Variants in MOB2 observed in about 807,000 individuals in gnomAD.
MOB2 encodes MOB2 Mps One Binder homolog.
MOB2 carries 14 observed loss-of-function variants against 27.4 expected under a neutral mutation model. That is an observed-to-expected ratio of 0.51 (90% CI 0.34 to 0.80). The LOEUF (loss-of-function observed/expected upper bound fraction) is 0.80, where lower values mean the gene tolerates loss of function less well. MOB2 is among the 30% of genes least tolerant of loss of function. The pLI is 0.01. For missense variants in MOB2, 304 were observed against 354.6 expected (o/e 0.86, Z 1.15); for synonymous variants, 167 against 151.8 (o/e 1.10, Z -0.74).
chr11:1,480,488 T>TGGAAG lies in MOB2; in HGVS notation c.272-7_272-3dup. 1 of 1,613,656 alleles carries TGGAAG rather than the reference T, an allele frequency of 6.2e-7. No individual in the cohort carries two copies. Among genetic ancestry groups the TGGAAG allele is most frequent in the Non-Finnish European group, 8.5e-7 (1 of 1,179,794 alleles). ...TGATGTGGTGGAAAAACGTCGTGGC[T>TGGAAG]GGAAGAGAAGAGAAGGAGCCAGATG... On this transcript the variant is annotated splice_polypyrimidine_tract_variant and splice_region_variant and intron_variant, in intron 2 of 4. Coordinates refer to ENST00000329957, the MANE Select transcript of MOB2 (RefSeq NM_001172223.3).
intron 3 of MOB2, among the ~76,000 whole-genome samples, chr11:1,479,818 G>A (rs1847889964): frequency 6.6e-6 from 1 of 152,246 alleles, no homozygotes; most frequent in Admixed American, 6.5e-5. Flanking sequence ...CCTCCTGCCT[G>A]CAGCCTCCAA....
intron 1 of MOB2, among the ~76,000 whole-genome samples, chr11:1,482,112 C>T (rs1847921940): frequency 6.6e-6 from 1 of 152,212 alleles, no homozygotes; most frequent in South Asian, 2.1e-4. Context: ...CAGCACAGCA[C>T]ACCACACCCC....
At chr11:1,471,529 G>T in intron 3 of MOB2, 110 bp from the exon 4 acceptor site, 1 of 1,417,312 alleles carries the variant, frequency 7.1e-7, no homozygotes, top group Non-Finnish European at 9.6e-7. Context: ...AGCAGCGGAG[G>T]TGTGGCAGAC....
At chr11:1,473,887 C>T (rs146067746) in intron 3 of MOB2, among the ~76,000 whole-genome samples, 10 of 152,244 alleles carry the variant, frequency 6.6e-5, no homozygotes, top group African/African-American at 2.2e-4. Flanking sequence ...GGATGGGCCG[C>T]GGGAAGGAAT....
At chr11:1,476,391 T>G (rs796569110) in intron 3 of MOB2, among the ~76,000 whole-genome samples, 2 of 152,346 alleles carry the variant, frequency 1.3e-5, no homozygotes, top group African/African-American at 4.8e-5. Context: ...ACAGAGGGTT[T>G]TTTTCCAATA....
intron 1 of MOB2, among the ~76,000 whole-genome samples, chr11:1,485,401 TCA>T (rs879355268): frequency 6.6e-6 from 1 of 152,110 alleles, no homozygotes; most frequent in African/African-American, 2.4e-5. Context: ...TTCCAAAACC[TCA>T]CAGTTTCACC....
intron 1 of MOB2, among the ~76,000 whole-genome samples, chr11:1,484,364 C>G (rs1397797178): frequency 1.3e-5 from 2 of 152,162 alleles, no homozygotes; most frequent in African/African-American, 4.8e-5. Flanking sequence ...CCGCAGGTGA[C>G]GCCTCTGAGG....
At chr11:1,483,042 T>G (rs954809833) in intron 1 of MOB2, among the ~76,000 whole-genome samples, 1 of 152,170 alleles carries the variant, frequency 6.6e-6, no homozygotes, top group Non-Finnish European at 1.5e-5. Context: ...ATGGCACTCT[T>G]CTCGTCCTTA....
At chr11:1,485,488 GCA>G (rs1847960029) in intron 1 of MOB2, among the ~76,000 whole-genome samples, 1 of 152,218 alleles carries the variant, frequency 6.6e-6, no homozygotes, top group African/African-American at 2.4e-5. Flanking sequence ...CCTGTTGAAT[GCA>G]CAGGTGATCG....
Position 1,469,858 on chromosome 11 carries a change from G to C in MOB2, c.*314C>G, listed in dbSNP as rs753128998. On this transcript the variant is annotated 3_prime_UTR_variant, in exon 5 of 5. Coordinates refer to ENST00000329957, the MANE Select transcript of MOB2 (RefSeq NM_001172223.3). Reference sequence around the variant, plus strand: ...CCAGCAGCACCCGAGGGAGGGCAGGGGCTGCACGGAGACCAGAGAAAGGAA... The same window carrying C: ...CCAGCAGCACCCGAGGGAGGGCAGGCGCTGCACGGAGACCAGAGAAAGGAA... 8.0e-6 allele frequency: 5 copies of C among 628,612 alleles called. No individual in the cohort carries two copies. The highest frequency in any genetic ancestry group is 6.0e-5 in the South Asian group (4 of 66,292). 38.9% of individuals were successfully genotyped at this position (628,612 alleles called of 1,614,324 possible).
rs1847750181 is a variant in MOB2 at position 1,469,511 on chromosome 11, G to A, written c.*661C>T. ...TGAACAGATGAACTAAGGTAAGCGG[G>A]TCTCAGCCTTCCGCTGGTGCAGCAT... On this transcript the variant is annotated 3_prime_UTR_variant, in exon 5 of 5. Transcript: ENST00000329957. 2.2e-6 allele frequency: 1 copy of A among 455,064 alleles called. No homozygotes were observed. Among genetic ancestry groups the A allele is most frequent in the Non-Finnish European group, 4.4e-6 (1 of 225,852 alleles). The allele number at this position is 455,064 out of a possible 1,614,324, so 28.2% of individuals were successfully genotyped here. A position where few individuals can be genotyped will look rare whatever the true frequency, so the allele number is the denominator to read the frequency against.
In MOB2 at chr11:1,469,864, A is replaced by T; in HGVS notation, c.*308T>A. 1.6e-6 allele frequency: 1 copy of T among 644,302 alleles called. No individual in the cohort carries two copies. The allele number at this position is 644,302 out of a possible 1,614,324, so 39.9% of individuals were successfully genotyped here. ...GCACCCGAGGGAGGGCAGGGGCTGC[A>T]CGGAGACCAGAGAAAGGAAAACCCC... is the stretch of plus-strand genomic sequence containing the variant. On this transcript the variant is annotated 3_prime_UTR_variant, in exon 5 of 5. Coordinates refer to ENST00000329957, the MANE Select transcript of MOB2 (RefSeq NM_001172223.3).
chr11:1,480,725 T>C lies in MOB2; in HGVS notation c.271A>G (p.Thr91Ala). 6.2e-7 allele frequency: 1 copy of C among 1,603,036 alleles called. No individual in the cohort carries two copies. The highest frequency in any genetic ancestry group is 8.5e-7 in the Non-Finnish European group (1 of 1,175,742). Reference sequence around the variant, plus strand: ...GGCCCGCCCCCAGGCCCCCGCGCACTGTTGCTGGCCAGCCACTCGTTAAGG... The same window carrying C: ...GGCCCGCCCCCAGGCCCCCGCGCACCGTTGCTGGCCAGCCACTCGTTAAGG... ...IDLNEWLASN[T>A]TTFFHHINLQ... The change falls in exon 2 of 5, where the codon ACC (threonine) becomes GCC (alanine). Residue 91 changes from threonine to alanine, a missense_variant and splice_region_variant. Transcript: ENST00000329957.
chr11:1,480,390 C>CA lies in MOB2; in HGVS notation c.365+2dup. The CA allele has an allele frequency of 6.2e-7, 1 of 1,612,206 alleles. No homozygotes were observed. The highest frequency in any genetic ancestry group is 8.5e-7 in the Non-Finnish European group (1 of 1,178,626). On this transcript the variant is annotated splice_region_variant and intron_variant, in intron 3 of 4. Transcript: ENST00000329957. ...AAGTGGGCTGTAGCCAGGCAGCACT[C>CA]ACGTGTTGCACACGGCCATCGTCTG...
chr11:1,481,195 A>G, intron 1 of MOB2: 1 of 481,394 alleles, frequency 2.1e-6, no homozygotes. Context: ...GGAGGGGCCC[A>G]GGGTTTAGGG....
chr11:1,478,382 T>TG (rs1392613170), intron 3 of MOB2, among the ~76,000 whole-genome samples: 1 of 152,282 alleles, frequency 6.6e-6, no homozygotes, highest in Non-Finnish European at 1.5e-5. Flanking sequence ...GGAACAGGTC[T>TG]GCTGGCTGTG....
chr11:1,485,628 G>A (rs545238401), intron 1 of MOB2, among the ~76,000 whole-genome samples: 2 of 152,090 alleles, frequency 1.3e-5, no homozygotes, highest in East Asian at 1.9e-4. Flanking sequence ...GGCCACGCTC[G>A]CCTCACACCC....
Position 1,482,060 on chromosome 11 carries a change from C to A in MOB2, c.111-1175G>T, listed in dbSNP as rs1234849565. 2.0e-5 allele frequency among the ~76,000 whole-genome samples: 3 copies of A among 152,206 alleles called. No individual in the cohort carries two copies. The East Asian group carries it at 5.8e-4, about 29-fold the overall frequency. On this transcript the variant is annotated intron_variant, in intron 1 of 4. Coordinates refer to ENST00000329957, the MANE Select transcript of MOB2 (RefSeq NM_001172223.3). ...CCCATGACGCTGGGCCTGGCCCTGACCACCGGCAGGTGGGCCTGCACCTCC... is the reference window on the plus strand; with the variant it reads ...CCCATGACGCTGGGCCTGGCCCTGAACACCGGCAGGTGGGCCTGCACCTCC...
At chr11:1,480,696 A>T (rs1403685803) in intron 2 of MOB2, 29 bp downstream of exon 2, 2 of 1,591,814 alleles carry the variant, frequency 1.3e-6, no homozygotes, top group East Asian at 2.3e-5. Flanking sequence ...GGGAGGAGGG[A>T]GGGGGCCCGC....
Sources: gnomAD v4.1 joint callset for allele counts (sites outside exome capture counted in the v4.1 genomes callset) on GRCh38, gnomAD v4.1.1 for gene constraint, MANE v1.5 for transcripts, NCBI Gene and HGNC (gene_info 2026-07-23, HGNC 2026-07-21) for gene names.